Variants in SLC35D4 observed in about 807,000 individuals in gnomAD.
The protein encoded by SLC35D4 is solute carrier family 35 member D4.
At chr18:23,378,199 CTT>C in the SLC35D4 span, among the ~76,000 whole-genome samples, 5 of 141,996 alleles carry the variant, frequency 3.5e-5, no homozygotes, top group African/African-American at 2.6e-5. Flanking sequence ...TTCTTTCTTT[CTT>C]TTTTTTTTTT....
the SLC35D4 span, among the ~76,000 whole-genome samples, chr18:23,250,398 G>T: frequency 6.6e-6 from 1 of 152,170 alleles, no homozygotes; most frequent in Non-Finnish European, 1.5e-5. Context: ...GAAACAGGAG[G>T]GTTGGCTGAT....
At chr18:23,310,152 G>A in the SLC35D4 span, 2 of 935,278 alleles carry the variant, frequency 2.1e-6, no homozygotes, top group African/African-American at 3.6e-5. Flanking sequence ...ACCTGTTCTC[G>A]GATCCTCCAG....
chr18:23,283,058 T>A, the SLC35D4 span, among the ~76,000 whole-genome samples: 2 of 151,946 alleles, frequency 1.3e-5, no homozygotes, highest in African/African-American at 4.8e-5. Flanking sequence ...CAGGTGTAAC[T>A]GACCAGCATT....
chr18:23,364,933 A>AAAAAT, the SLC35D4 span, among the ~76,000 whole-genome samples: 538 of 15,576 alleles, frequency 0.035, 177 homozygotes, highest in East Asian at 0.089. Context: ...AAAAAAAAAA[A>AAAAAT]GGACTCCTTT....
chr18:23,360,699 T>C, the SLC35D4 span, among the ~76,000 whole-genome samples: 2 of 149,396 alleles, frequency 1.3e-5, no homozygotes, highest in East Asian at 3.9e-4. Context: ...GTGTGTAGAT[T>C]TGCCAAAATT....
chr18:23,382,904 G>C, the SLC35D4 span, among the ~76,000 whole-genome samples: 1 of 152,232 alleles, frequency 6.6e-6, no homozygotes, highest in Non-Finnish European at 1.5e-5. Context: ...CAGCAAGGCA[G>C]CCTGGAGAAG....
At chr18:23,342,083 A>C in the SLC35D4 span, among the ~76,000 whole-genome samples, 2 of 152,232 alleles carry the variant, frequency 1.3e-5, no homozygotes, top group Non-Finnish European at 2.9e-5. Context: ...GATGATTTGC[A>C]TGCCATAAAA....
At chr18:23,412,100 A>C in the SLC35D4 span, among the ~76,000 whole-genome samples, 2 of 152,080 alleles carry the variant, frequency 1.3e-5, no homozygotes, top group Non-Finnish European at 2.9e-5. Flanking sequence ...CGGGAGGATC[A>C]CTTGAGGTCA....
chr18:23,303,356 G>A, the SLC35D4 span, among the ~76,000 whole-genome samples: 35 of 152,258 alleles, frequency 2.3e-4, no homozygotes, highest in South Asian at 6.4e-3. Flanking sequence ...CTTAATTTGC[G>A]AACACACAGC....
the SLC35D4 span, among the ~76,000 whole-genome samples, chr18:23,427,279 G>A: frequency 6.6e-6 from 1 of 152,046 alleles, no homozygotes; most frequent in Non-Finnish European, 1.5e-5. Flanking sequence ...TCTGACAAAC[G>A]GCTAATATCC....
the SLC35D4 span, among the ~76,000 whole-genome samples, chr18:23,380,093 TCAAAAA>T: frequency 6.6e-6 from 1 of 151,432 alleles, no homozygotes; most frequent in Non-Finnish European, 1.5e-5. Flanking sequence ...TGAGGCGGTC[TCAAAAA>T]CAAAACAAAA....
At chr18:23,270,182 C>A in the SLC35D4 span, among the ~76,000 whole-genome samples, 1 of 152,162 alleles carries the variant, frequency 6.6e-6, no homozygotes, top group Non-Finnish European at 1.5e-5. Context: ...GCCTTGTGTC[C>A]CAGATGCTCT....
At chr18:23,403,166 T>C in the SLC35D4 span, among the ~76,000 whole-genome samples, 1 of 152,202 alleles carries the variant, frequency 6.6e-6, no homozygotes, top group East Asian at 1.9e-4. Context: ...AACCCACTAA[T>C]TATCTGACTG....
the SLC35D4 span, among the ~76,000 whole-genome samples, chr18:23,324,975 C>A: frequency 2.0e-5 from 3 of 152,268 alleles, no homozygotes; most frequent in East Asian, 5.8e-4. Flanking sequence ...CAGCTGGTCC[C>A]AGGAAGATTA....
the SLC35D4 span, among the ~76,000 whole-genome samples, chr18:23,408,174 CA>C: frequency 8.2e-4 from 125 of 151,768 alleles, 1 homozygote; most frequent in Admixed American, 4.8e-3. Flanking sequence ...CACACACACA[CA>C]CACACCCCTA....
chr18:23,257,201 T>C, the SLC35D4 span: 13 of 1,606,176 alleles, frequency 8.1e-6, no homozygotes, highest in Admixed American at 1.2e-4. Context: ...AAAATGAACA[T>C]GCTTTTGATT....
the SLC35D4 span, chr18:23,258,052 A>C: frequency 6.6e-6 from 1 of 152,070 alleles, no homozygotes; most frequent in East Asian, 1.9e-4. Context: ...GACATCCTCC[A>C]CCCTTAGAAA....
At chr18:23,425,972 G>A in the SLC35D4 span, among the ~76,000 whole-genome samples, 2 of 152,052 alleles carry the variant, frequency 1.3e-5, no homozygotes, top group Non-Finnish European at 2.9e-5. Flanking sequence ...ATATCTAAAT[G>A]ATGATTATGC....
At chr18:23,370,714 T>A in the SLC35D4 span, among the ~76,000 whole-genome samples, 5 of 152,212 alleles carry the variant, frequency 3.3e-5, no homozygotes, top group African/African-American at 9.7e-5. Context: ...GTCCCTTTAT[T>A]TGAACAACTT....
Sources: allele counts gnomAD v4.1 joint callset (sites outside exome capture counted in the v4.1 genomes callset), GRCh38; gene constraint gnomAD v4.1.1; transcripts MANE v1.5; gene names NCBI Gene and HGNC (gene_info 2026-07-23, HGNC 2026-07-21).